The following ADAMTS2 variants were observed in gnomAD, a reference collection of about 807,000 sequenced individuals.
ADAMTS2 encodes the protein ADAM metallopeptidase with thrombospondin type 1 motif 2, also known as A disintegrin and metalloproteinase with thrombospondin motifs 2.
Under a neutral mutation model 123.0 loss-of-function variants are expected in ADAMTS2, and 50 were observed. The ratio of observed to expected loss-of-function variants is 0.41; its 90% CI spans 0.32 to 0.51. The LOEUF (loss-of-function observed/expected upper bound fraction) is 0.51. Among genes scored for constraint, ADAMTS2 ranks in the 20% least tolerant of loss-of-function variants. ADAMTS2 has a pLI of 0.35. For synonymous variants in ADAMTS2, 678 were observed against 695.4 expected, an observed-to-expected ratio of 0.98 and a Z score of 0.39; for missense variants, 1,494 against 1,705.2, an observed-to-expected ratio of 0.88 and a Z score of 2.18.
rs149391669 is a variant in ADAMTS2 at position 179,135,921 on chromosome 5, G to A, written c.2073C>T (p.Arg691=). ...SYKDAFSLCV[R]GDCRKVGCDG... ...TCTGTGTACTCACCCTGCAGTCCCC[G>A]CGCACACAGAGGCTGAAGGCGTCCT... Residue 691 remains arginine, a synonymous_variant, in exon 13 of 22, where the codon CGC becomes CGT. Transcript: ENST00000251582. 1,073 of 1,613,124 alleles carry A rather than the reference G, an allele frequency of 6.7e-4. 8 individuals are homozygous for A. In the East Asian group the frequency reaches 0.021, roughly 32 times the overall value.
intron 2 of ADAMTS2, among the ~76,000 whole-genome samples, chr5:179,336,665 G>A (rs896693322): frequency 1.4e-4 from 21 of 152,270 alleles, no homozygotes; most frequent in African/African-American, 4.6e-4. Context: ...TCTCACCCCC[G>A]GGCCTGGGGT....
At chr5:179,200,853 A>C (rs1426875860) in intron 4 of ADAMTS2, among the ~76,000 whole-genome samples, 2 of 152,206 alleles carry the variant, frequency 1.3e-5, no homozygotes. Context: ...ACTGGGGGAA[A>C]TATTTCCCAC....
rs1226014314 is a variant in ADAMTS2, at chr5:179,312,251, C to T, written c.534+31516G>A. Among the ~76,000 whole-genome samples, 81 of 151,996 alleles carry T rather than the reference C, an allele frequency of 5.3e-4. No individual in the cohort carries two copies. Among genetic ancestry groups the T allele is most frequent in the Admixed American group, 5.3e-3 (81 of 15,260 alleles). On this transcript the variant is annotated intron_variant, in intron 2 of 21. Coordinates refer to ENST00000251582, the MANE Select transcript of ADAMTS2 (RefSeq NM_014244.5). The surrounding 1 kb of genome is among the most constrained non-coding windows in gnomAD (Gnocchi z 4.2). ...TGACTGCTGGATTTTCCGGGTGGGCCCAGGGATAGACAGAATGTTTATATT... is the reference window on the plus strand; with the variant it reads ...TGACTGCTGGATTTTCCGGGTGGGCTCAGGGATAGACAGAATGTTTATATT...
chr5:179,259,666 G>C (rs1359817930), intron 3 of ADAMTS2, among the ~76,000 whole-genome samples: 1 of 152,248 alleles, frequency 6.6e-6, no homozygotes, highest in African/African-American at 2.4e-5. Context: ...TACCGGGTCT[G>C]TCGTTCCAGC....
intron 3 of ADAMTS2, among the ~76,000 whole-genome samples, chr5:179,217,094 G>A (rs932673193): frequency 2.6e-5 from 4 of 152,232 alleles, no homozygotes; most frequent in South Asian, 4.1e-4. Context: ...TTGCAGCATT[G>A]CTTGGGTGGA....
chr5:179,205,784 A>T (rs1322165572), intron 4 of ADAMTS2, among the ~76,000 whole-genome samples: 2 of 150,530 alleles, frequency 1.3e-5, no homozygotes, highest in African/African-American at 4.9e-5. Context: ...TATTATTATT[A>T]TTTTTGAGAC....
rs567370814 is a variant in ADAMTS2, at chr5:179,152,005, G to A, written c.1629+137C>T. The A allele has an allele frequency of 2.9e-4, 209 of 727,784 alleles. 1 individual carries two copies. The South Asian group carries it at 3.3e-3, about 11-fold the overall frequency. 45.1% of individuals were successfully genotyped at this position (727,784 alleles called of 1,614,324 possible). A position where few individuals can be genotyped will look rare whatever the true frequency, so the allele number is the denominator to read the frequency against. On this transcript the variant is annotated intron_variant, in intron 10 of 21. Transcript: ENST00000251582. ...TACAGCGTGTGAGGGGTAATTAGAA[G>A]GGGGAAAGGAGAGGGCAGCAGAGGT...
intron 3 of ADAMTS2, among the ~76,000 whole-genome samples, chr5:179,266,485 G>T (rs1224285862): frequency 6.6e-6 from 1 of 152,202 alleles, no homozygotes; most frequent in Non-Finnish European, 1.5e-5. Flanking sequence ...CCAGGAGCTG[G>T]GAGGGGCCAG....
Position 179,293,937 on chromosome 5 carries a change from T to C in ADAMTS2, c.535-20873A>G, listed in dbSNP as rs532416735. Among the ~76,000 whole-genome samples the C allele has an allele frequency of 1.4e-3, 206 of 152,208 alleles. 3 individuals carry two copies. Among genetic ancestry groups the C allele is most frequent in the Middle Eastern group, 3.4e-3 (1 of 294 alleles). ...GCACCTGGCCAAGGTTTTTTTGTTTTTTTGTTTTTTTGTTTTAAGGTATTT... is the reference window on the plus strand; with the variant it reads ...GCACCTGGCCAAGGTTTTTTTGTTTCTTTGTTTTTTTGTTTTAAGGTATTT... On this transcript the variant is annotated intron_variant, in intron 2 of 21. Coordinates refer to ENST00000251582, the MANE Select transcript of ADAMTS2 (RefSeq NM_014244.5).
intron 5 of ADAMTS2, among the ~76,000 whole-genome samples, chr5:179,160,022 G>A (rs1055485288): frequency 5.9e-5 from 9 of 152,044 alleles, no homozygotes; most frequent in African/African-American, 1.5e-4. Flanking sequence ...CTGAGTCCTG[G>A]GCATGTTCTT....
At chr5:179,215,700 G>C (rs1049572055) in intron 3 of ADAMTS2, among the ~76,000 whole-genome samples, 2 of 152,144 alleles carry the variant, frequency 1.3e-5, no homozygotes, top group African/African-American at 4.8e-5. Context: ...AACAGACTTG[G>C]TACATCAAGA....
intron 4 of ADAMTS2, among the ~76,000 whole-genome samples, chr5:179,201,795 C>T (rs912994085): frequency 1.3e-5 from 2 of 152,054 alleles, no homozygotes; most frequent in Admixed American, 1.3e-4. Flanking sequence ...GAGTGAGACT[C>T]TGTCTCACAA....
At chr5:179,218,488 A>G (rs1240717292) in intron 3 of ADAMTS2, among the ~76,000 whole-genome samples, 3 of 152,260 alleles carry the variant, frequency 2.0e-5, no homozygotes, top group African/African-American at 7.2e-5. Flanking sequence ...CCATCAGCAC[A>G]GAGCCCCACT....
intron 2 of ADAMTS2, among the ~76,000 whole-genome samples, chr5:179,294,775 C>A (rs1434504624): frequency 6.6e-6 from 1 of 152,234 alleles, no homozygotes; most frequent in Non-Finnish European, 1.5e-5. Context: ...CTAGGGTCAG[C>A]AGGAAATGTC....
intron 3 of ADAMTS2, among the ~76,000 whole-genome samples, chr5:179,223,753 G>C (rs576752317): frequency 6.6e-6 from 1 of 152,278 alleles, no homozygotes; most frequent in East Asian, 1.9e-4. Flanking sequence ...GTGTATGTGA[G>C]TGCATGTGCG....
Position 179,345,224 on chromosome 5 carries a change from C to G in ADAMTS2, c.105G>C (p.Ala35=). 8 of 1,134,746 alleles carry G rather than the reference C, an allele frequency of 7.1e-6. No individual in the cohort carries two copies. The highest frequency in any genetic ancestry group is 8.6e-6 in the Non-Finnish European group (8 of 931,846). The allele number at this position is 1,134,746 out of a possible 1,614,324, so 70.3% of individuals were successfully genotyped here. A position where few individuals can be genotyped will look rare whatever the true frequency, so the allele number is the denominator to read the frequency against. The change falls in exon 1 of 22, where the codon GCG becomes GCC. Residue 35 remains alanine (A), a synonymous_variant. Transcript: ENST00000251582. The surrounding 1 kb of genome is among the most constrained non-coding windows in gnomAD (Gnocchi z 7.5). ...CGGCGGCGGCGGCGAGCCTGGCGTT[C>G]GCGGGCGGCGGCGGCGGCGGCAGGA... The part of the protein sequence containing the change: ...PPLLPPPPPP[A]NARLAAAADP...
chr5:179,304,449 G>A (rs1190451106), intron 2 of ADAMTS2, among the ~76,000 whole-genome samples: 1 of 152,120 alleles, frequency 6.6e-6, no homozygotes, highest in East Asian at 1.9e-4. Context: ...ATAAAGTAAG[G>A]GCAAAAACTC....
intron 13 of ADAMTS2, among the ~76,000 whole-genome samples, chr5:179,133,790 C>T (rs1763005514): frequency 6.6e-6 from 1 of 151,594 alleles, no homozygotes; most frequent in South Asian, 2.1e-4. Context: ...GCGATCTTGG[C>T]TCACTGCAGC....
At position 179,312,944 on chromosome 5, in the gene ADAMTS2, C is replaced by T. The variant is rs1756872786; in HGVS notation, c.534+30823G>A. 1.3e-5 allele frequency among the ~76,000 whole-genome samples: 2 copies of T among 152,202 alleles called. No individual in the cohort carries two copies. Among genetic ancestry groups the T allele is most frequent in the African/African-American group, 4.8e-5 (2 of 41,450 alleles). ...TCAGAAACCAATACAATGGGGAACT[C>T]TGATATGGACTAAAAGTGGTGAGAG... is the stretch of plus-strand genomic sequence containing the variant. On this transcript the variant is annotated intron_variant, in intron 2 of 21. Transcript: ENST00000251582. This position sits in a 1 kb window ranked among gnomAD's most constrained non-coding sequence, Gnocchi z 4.2.
Sources: allele counts gnomAD v4.1 joint callset (sites outside exome capture counted in the v4.1 genomes callset), GRCh38; gene constraint gnomAD v4.1.1; non-coding constraint Gnocchi (gnomAD v3.1); transcripts MANE v1.5; gene names NCBI Gene and HGNC (gene_info 2026-07-23, HGNC 2026-07-21).